Variants in ROBO2 observed in about 807,000 individuals in gnomAD.
ROBO2 encodes the protein roundabout homolog 2.
Under a neutral mutation model 160.8 loss-of-function variants are expected in ROBO2, and 53 were observed. The ratio of observed to expected loss-of-function variants is 0.33; its 90% confidence interval spans 0.26 to 0.41. ROBO2 has a LOEUF of 0.41. Among genes scored for constraint, ROBO2 ranks in the 10% least tolerant of loss-of-function variants. The pLI, the probability that ROBO2 is intolerant of heterozygous loss-of-function variation, is 1.00. For synonymous variants in ROBO2, 664 were observed against 611.7 expected (o/e 1.09, Z -1.26); for missense variants, 1,577 against 1,722.4 (o/e 0.92, Z 1.49).
In ROBO2 at chr3:76,273,064, A is replaced by AT. The variant is rs1446802693; in HGVS notation, c.109+335462_109+335463insT. 6.4e-4 allele frequency among the ~76,000 whole-genome samples: 70 copies of AT among 108,540 alleles called. 1 individual carries two copies. The South Asian group carries it at 0.013, about 21-fold the overall frequency. The allele number at this position is 108,540 out of a possible 152,430, so 71.2% of individuals were successfully genotyped here. A position where few individuals can be genotyped will look rare whatever the true frequency, so the allele number is the denominator to read the frequency against. ...ATATATATTATATAAATATATAAAA[A>AT]ATATATATAAATATAATATATATAA... On this transcript the variant is annotated intron_variant, in intron 2 of 26. Transcript: ENST00000487694.
chr3:77,099,165 G>C (rs1373518248), intron 2 of ROBO2, among the ~76,000 whole-genome samples: 8 of 147,184 alleles, frequency 5.4e-5, no homozygotes, highest in Admixed American at 2.8e-4. Flanking sequence ...TCTGCCTCAC[G>C]GGCTTAAGCG....
intron 2 of ROBO2, among the ~76,000 whole-genome samples, chr3:76,352,368 C>T (rs28617411): frequency 0.29 from 43,311 of 151,854 alleles, 6,510 homozygotes; most frequent in Non-Finnish European, 0.34. Context: ...ACCCTGCTTC[C>T]TCTTCTTGCT....
intron 2 of ROBO2, among the ~76,000 whole-genome samples, chr3:77,259,517 A>T (rs937082909): frequency 6.6e-6 from 1 of 152,192 alleles, no homozygotes; most frequent in Admixed American, 6.5e-5. Flanking sequence ...AGCTGAACGA[A>T]AGTACTAAAA....
intron 14 of ROBO2, among the ~76,000 whole-genome samples, chr3:77,576,346 A>C (rs2093762404): frequency 6.6e-6 from 1 of 152,110 alleles, no homozygotes; most frequent in Admixed American, 6.6e-5. Flanking sequence ...CAGGCTTTTA[A>C]AATATATTTT....
chr3:77,647,914 C>G (rs1000024211), exon 26 of ROBO2: 21 of 152,118 alleles, frequency 1.4e-4, no homozygotes, highest in Admixed American at 8.5e-4. Context: ...ACATTTCCAT[C>G]CTTTCTATTC....
chr3:76,886,395 C>CT (rs2073890240), intron 2 of ROBO2, among the ~76,000 whole-genome samples: 1 of 146,994 alleles, frequency 6.8e-6, no homozygotes, highest in African/African-American at 2.6e-5. Context: ...AGCCTTTTAA[C>CT]TTAAAAAAAA....
At chr3:76,412,262 C>T (rs1213565074) in intron 2 of ROBO2, among the ~76,000 whole-genome samples, 1 of 152,128 alleles carries the variant, frequency 6.6e-6, no homozygotes, top group South Asian at 2.1e-4. Flanking sequence ...TCCCACAACA[C>T]GTGGGAATTC....
At chr3:77,336,532 C>A (rs934175891) in intron 2 of ROBO2, among the ~76,000 whole-genome samples, 32 of 147,816 alleles carry the variant, frequency 2.2e-4, no homozygotes, top group African/African-American at 8.0e-4. Context: ...TTTTCTTTTG[C>A]TTATAAATGA....
chr3:77,044,591 GA>G, intron 1 of ROBO2, among the ~76,000 whole-genome samples: 1 of 151,828 alleles, frequency 6.6e-6, no homozygotes, highest in East Asian at 1.9e-4. Context: ...AGAAACACTT[GA>G]AGAGTGAAGA....
intron 2 of ROBO2, among the ~76,000 whole-genome samples, chr3:76,963,836 C>CAA (rs11407644): frequency 0.19 from 19,737 of 105,864 alleles, 1,628 homozygotes; most frequent in East Asian, 0.25. Flanking sequence ...TGAGGAACTG[C>CAA]AAAAAAAAAA....
chr3:77,563,284 C>G (rs2093384553), exon 11 of ROBO2: 29 of 1,613,566 alleles, frequency 1.8e-5, no homozygotes, highest in Non-Finnish European at 2.4e-5. Flanking sequence ...CAGCCAGGTA[C>G]CCCTGGAACC....
intron 2 of ROBO2, among the ~76,000 whole-genome samples, chr3:76,680,125 A>G (rs1288342426): frequency 2.6e-5 from 4 of 152,156 alleles, no homozygotes. Context: ...TTTGGCACCT[A>G]AAACCTCAAA....
chr3:77,189,060 G>GTAGA (rs1041224551), intron 2 of ROBO2, among the ~76,000 whole-genome samples: 6 of 151,538 alleles, frequency 4.0e-5, no homozygotes, highest in African/African-American at 1.2e-4. Flanking sequence ...ACGTGTTTAA[G>GTAGA]TAGACATACT....
intron 2 of ROBO2, among the ~76,000 whole-genome samples, chr3:77,430,326 T>C (rs1047648710): frequency 6.6e-6 from 1 of 152,076 alleles, no homozygotes; most frequent in South Asian, 2.1e-4. Flanking sequence ...CTTTGAAGTT[T>C]TGTTGTTGAT....
At chr3:77,362,534 T>A (rs867797720) in intron 2 of ROBO2, among the ~76,000 whole-genome samples, 1 of 152,096 alleles carries the variant, frequency 6.6e-6, no homozygotes, top group African/African-American at 2.4e-5. Context: ...CTTAGCAGGG[T>A]TCTTGCTAAA....
At chr3:77,040,059 C>CCTCCCTCCCTCCCTCG (rs1459559641) in exon 1 of ROBO2, 1 of 159,694 alleles carries the variant, frequency 6.3e-6, no homozygotes, top group African/African-American at 2.4e-5. Flanking sequence ...CCCCTCCCTC[C>CCTCCCTCCCTCCCTCG]CTCCCTCCCT....
intron 2 of ROBO2, among the ~76,000 whole-genome samples, chr3:76,460,023 GAT>G (rs2077996199): frequency 6.6e-6 from 1 of 152,008 alleles, no homozygotes; most frequent in South Asian, 2.1e-4. Context: ...GCTTAGAAAA[GAT>G]ATCTTTATTT....
At chr3:77,409,703 T>C (rs1248970043) in intron 2 of ROBO2, among the ~76,000 whole-genome samples, 2 of 152,138 alleles carry the variant, frequency 1.3e-5, no homozygotes. Context: ...AGCAAATGAC[T>C]CTTTGTCATT....
At chr3:77,277,230 GTCTT>G (rs55905700) in intron 2 of ROBO2, among the ~76,000 whole-genome samples, 40,917 of 91,834 alleles carry the variant, frequency 0.45, 9,219 homozygotes, top group Non-Finnish European at 0.53. Context: ...TTTCTTTCTT[GTCTT>G]TCTTTCTTTC....
Sources: allele counts gnomAD v4.1 joint callset (sites outside exome capture counted in the v4.1 genomes callset), GRCh38; gene constraint gnomAD v4.1.1; transcripts MANE v1.5; gene names NCBI Gene and HGNC (gene_info 2026-07-23, HGNC 2026-07-21).